Variants in TNRC18 observed in about 807,000 individuals in gnomAD.
TNRC18 encodes the protein trinucleotide repeat-containing gene 18 protein.
A neutral mutation model predicts 226.7 loss-of-function variants in TNRC18; 69 were observed. The observed-to-expected ratio is 0.30, with a 90% CI of 0.25 to 0.37. The LOEUF (loss-of-function observed/expected upper bound fraction) is 0.37, where lower values mean the gene tolerates loss of function less well. Among genes scored for constraint, TNRC18 ranks in the 10% least tolerant of loss-of-function variants. The pLI, the probability that TNRC18 is intolerant of heterozygous loss-of-function variation, is 1.00. For missense variants in TNRC18, 4,754 were observed against 4,256.6 expected, an observed-to-expected ratio of 1.12 and a Z score of -3.25; for synonymous variants, 2,449 against 1,927.6, an observed-to-expected ratio of 1.27 and a Z score of -7.09.
chr7:5,358,397 TAAAAC>T (rs1054966070), intron 15 of TNRC18, among the ~76,000 whole-genome samples: 1 of 152,186 alleles, frequency 6.6e-6, no homozygotes, highest in Non-Finnish European at 1.5e-5. Flanking sequence ...TGGTGTCAAT[TAAAAC>T]AAAAGCATCC....
intron 18 of TNRC18, 45 bp downstream of exon 18, chr7:5,345,517 G>GGGCCCCCCCCCCCCCCCCCCCCCCCCCC: frequency 2.6e-6 from 1 of 377,744 alleles, no homozygotes; most frequent in African/African-American, 2.2e-5. Context: ...AATGGCGTCC[G>GGGCCCCCCCCCCCCCCCCCCCCCCCCCC]CCCCTCCCAC....
chr7:5,410,482 T>G (rs1781769768), intron 2 of TNRC18, among the ~76,000 whole-genome samples: 1 of 152,088 alleles, frequency 6.6e-6, no homozygotes, highest in South Asian at 2.1e-4. Context: ...TCCAGTTTGC[T>G]ACAGTCTATG....
chr7:5,367,517 TCCCA>T (rs1793730417), intron 11 of TNRC18, among the ~76,000 whole-genome samples: 1 of 151,054 alleles, frequency 6.6e-6, no homozygotes, highest in South Asian at 2.1e-4. Context: ...AACCTCCGCC[TCCCA>T]GGTTCAAGTG....
intron 18 of TNRC18, 45 bp downstream of exon 18, chr7:5,345,517 G>GGGGGGGCCCCCCCCCCCCCCCCCC: frequency 7.9e-6 from 3 of 377,744 alleles, no homozygotes; most frequent in Non-Finnish European, 1.4e-5. Context: ...AATGGCGTCC[G>GGGGGGGCCCCCCCCCCCCCCCCCC]CCCCTCCCAC....
At chr7:5,383,438 A>C (rs1277410249) in intron 5 of TNRC18, among the ~76,000 whole-genome samples, 1 of 152,200 alleles carries the variant, frequency 6.6e-6, no homozygotes, top group Non-Finnish European at 1.5e-5. Context: ...TAACGCACCC[A>C]CTATGTGCCC....
chr7:5,365,221 C>G (rs560071245), intron 11 of TNRC18, among the ~76,000 whole-genome samples: 95 of 152,310 alleles, frequency 6.2e-4, no homozygotes, highest in African/African-American at 1.8e-3. Context: ...AAGCAATCAC[C>G]CTGCCTCAGC....
chr7:5,379,810 G>C (rs1311547886), intron 5 of TNRC18, among the ~76,000 whole-genome samples: 1 of 152,218 alleles, frequency 6.6e-6, no homozygotes, highest in African/African-American at 2.4e-5. Context: ...CGCACAGGCG[G>C]AGGCACGGCT....
At position 5,377,123 on chromosome 7, in the gene TNRC18, C is replaced by T. The variant is rs1354467276; in HGVS notation, c.2462-130G>A. On this transcript the variant is annotated intron_variant, in intron 7 of 29. Transcript: ENST00000430969. The surrounding 1 kb of genome is among the most constrained non-coding windows in gnomAD (Gnocchi z 5.8). ...GGCCTCCAGTGGGGAAGCCAAGGGACAGGGGTGCTGGCTGGCTGCAAAGAG... is the reference window on the plus strand; with the variant it reads ...GGCCTCCAGTGGGGAAGCCAAGGGATAGGGGTGCTGGCTGGCTGCAAAGAG... The T allele has an allele frequency of 2.2e-6, 3 of 1,357,786 alleles. No individual in the cohort carries two copies. The highest frequency in any genetic ancestry group is 3.0e-6 in the Non-Finnish European group (3 of 1,005,692). 84.1% of individuals were successfully genotyped at this position (1,357,786 alleles called of 1,614,324 possible).
intron 15 of TNRC18, among the ~76,000 whole-genome samples, chr7:5,358,799 G>A (rs113200573): frequency 6.6e-6 from 1 of 151,836 alleles, no homozygotes; most frequent in South Asian, 2.1e-4. Context: ...GGGTGACTGA[G>A]TGACTCTGTC....
rs1298130576 is a variant in TNRC18 at position 5,332,710 on chromosome 7, G to A, written c.6059C>T (p.Ala2020Val). The change falls in exon 19 of 30, where the codon GCC (alanine) becomes GTC (valine). Residue 2020 changes from alanine (A) to valine (V), a missense_variant. Ala to Val is a moderately conservative substitution (Grantham distance 64). Coordinates refer to ENST00000430969, the MANE Select transcript of TNRC18 (RefSeq NM_001080495.3). ...AAPAPVSTAP[A>V]TKTSRCAKGG... ...CTTGGCGCAGCGGCTGGTCTTGGTG[G>A]CGGGCGCGGTGCTGACGGGCGCAGG... The A allele has an allele frequency of 6.5e-7, 1 of 1,528,604 alleles. No individual in the cohort carries two copies. Among genetic ancestry groups the A allele is most frequent in the Non-Finnish European group, 8.8e-7 (1 of 1,141,886 alleles). The allele number at this position is 1,528,604 out of a possible 1,614,324, so 94.7% of individuals were successfully genotyped here. A position where few individuals can be genotyped will look rare whatever the true frequency, so the allele number is the denominator to read the frequency against.
chr7:5,403,310 A>G (rs967515473), intron 2 of TNRC18, among the ~76,000 whole-genome samples: 6 of 151,968 alleles, frequency 3.9e-5, no homozygotes, highest in Admixed American at 1.3e-4. Flanking sequence ...ACAGGCATGC[A>G]CCACCACGCC....
At chr7:5,368,519 C>T (rs1048920971) in intron 11 of TNRC18, among the ~76,000 whole-genome samples, 1 of 151,720 alleles carries the variant, frequency 6.6e-6, no homozygotes, top group African/African-American at 2.4e-5. Context: ...AAAAAGATAG[C>T]CAGGCATGGT....
chr7:5,391,423 T>C (rs1353882306), intron 3 of TNRC18, among the ~76,000 whole-genome samples: 1 of 151,872 alleles, frequency 6.6e-6, no homozygotes. Flanking sequence ...GAGATCCTCC[T>C]GCCACAGCCT....
Position 5,370,718 on chromosome 7 carries a change from T to C in TNRC18, c.3876A>G (p.Glu1292=), listed in dbSNP as rs1794062059. Residue 1292 remains glutamate, a synonymous_variant, in exon 11 of 30, where the codon GAA becomes GAG. Transcript: ENST00000430969. ...CGGCGGGCACGTCACAGTCTGACATTTCTAGGGTGGGCTGGGACTCGCTCG... is the reference window on the plus strand; with the variant it reads ...CGGCGGGCACGTCACAGTCTGACATCTCTAGGGTGGGCTGGGACTCGCTCG... ...VAPSESQPTL[E]MSDCDVPAGE... is the part of the protein sequence containing the mutation. 16 of 1,609,018 alleles carry C rather than the reference T, an allele frequency of 9.9e-6. No homozygotes were observed. Among genetic ancestry groups the C allele is most frequent in the African/African-American group, 1.3e-5 (1 of 74,750 alleles).
At chr7:5,311,933 G>C (rs35922974) in intron 27 of TNRC18, among the ~76,000 whole-genome samples, 2,042 of 152,248 alleles carry the variant, frequency 0.013, 23 homozygotes, top group South Asian at 0.025. Context: ...AGGAGAGTTT[G>C]AGATCATCCT....
rs1427569017 is a variant in TNRC18, at chr7:5,370,722, A to G, written c.3872T>C (p.Leu1291Pro). ...GGGCACGTCACAGTCTGACATTTCT[A>G]GGGTGGGCTGGGACTCGCTCGGTGC... The part of the protein sequence containing the change: ...QVAPSESQPT[L>P]EMSDCDVPAG... Residue 1291 changes from leucine (L) to proline (P), a missense_variant, in exon 11 of 30, where the codon CTA becomes CCA. Transcript: ENST00000430969. 6.2e-7 allele frequency: 1 copy of G among 1,608,498 alleles called. No individual in the cohort carries two copies. The highest frequency in any genetic ancestry group is 1.7e-5 in the Admixed American group (1 of 59,310).
intron 10 of TNRC18, 29 bp downstream of exon 10, chr7:5,374,026 A>C (rs1343055238): frequency 1.3e-6 from 2 of 1,496,888 alleles, no homozygotes; most frequent in Non-Finnish European, 1.8e-6. Context: ...GGGCAGAGTG[A>C]GACCCTGAGG....
chr7:5,353,029 A>G (rs1791991925), intron 16 of TNRC18, among the ~76,000 whole-genome samples: 1 of 151,368 alleles, frequency 6.6e-6, no homozygotes, highest in Non-Finnish European at 1.5e-5. Context: ...TGCTCCCACC[A>G]ACACCTAAGC....
chr7:5,403,129 G>T (rs1030921611), intron 2 of TNRC18, among the ~76,000 whole-genome samples: 1 of 150,826 alleles, frequency 6.6e-6, no homozygotes, highest in Admixed American at 6.6e-5. Context: ...ATCCCAGACA[G>T]CCCTTCATAA....
Sources: gnomAD v4.1 joint callset for allele counts (sites outside exome capture counted in the v4.1 genomes callset) on GRCh38, gnomAD v4.1.1 for gene constraint, Gnocchi (gnomAD v3.1) non-coding constraint, MANE v1.5 for transcripts, NCBI Gene and HGNC (gene_info 2026-07-23, HGNC 2026-07-21) for gene names.